Variants in CDC23 observed in about 807,000 individuals in gnomAD.
CDC23 encodes cell division cycle protein 23 homolog.
Under a neutral mutation model 81.7 loss-of-function variants are expected in CDC23, and 26 were observed. The observed-to-expected ratio is 0.32, with a 90% CI of 0.23 to 0.44. The LOEUF is 0.44. Ranked by LOEUF, CDC23 falls within the 20% of genes least tolerant of loss-of-function variation. CDC23 has a pLI of 1.00. For synonymous variants in CDC23, 267 were observed against 270.8 expected (o/e 0.99, Z 0.14); for missense variants, 519 against 728.0 (o/e 0.71, Z 3.30).
At chr5:138,206,344 C>T (rs1299989473) in intron 3 of CDC23, 1 of 611,546 alleles carries the variant, frequency 1.6e-6, no homozygotes, top group Non-Finnish European at 2.9e-6. Context: ...TGTTACTTAT[C>T]CTGTTAGTCA....
At position 138,198,780 on chromosome 5, in the gene CDC23, C is replaced by T. The variant is rs756246342; in HGVS notation, c.657G>A (p.Leu219=). Residue 219 remains leucine, a splice_region_variant and synonymous_variant, in exon 7 of 16, where the codon CTG becomes CTA. Coordinates refer to ENST00000394886, the MANE Select transcript of CDC23 (RefSeq NM_004661.4). The part of the protein sequence containing the change: ...LCNLITDKEM[L]KFLSLPDTWM... Reference sequence around the variant, plus strand: ...AGGTGTCTGGCAAAGACAGGAACTTCAGCTGGCAGCAGGAGAGAGAGGGAC... The same window carrying T: ...AGGTGTCTGGCAAAGACAGGAACTTTAGCTGGCAGCAGGAGAGAGAGGGAC... 1 of 1,613,402 alleles carries T rather than the reference C, an allele frequency of 6.2e-7. No homozygotes were observed. Among genetic ancestry groups the T allele is most frequent in the South Asian group, 1.1e-5 (1 of 90,858 alleles).
At chr5:138,212,917 T>A in intron 2 of CDC23, 74 bp downstream of exon 2, 1 of 1,256,490 alleles carries the variant, frequency 8.0e-7, no homozygotes, top group Non-Finnish European at 1.2e-6. Context: ...TCTCCTCCAG[T>A]GACAGGGCAC....
At chr5:138,199,077 C>T (rs182665545) in intron 6 of CDC23, among the ~76,000 whole-genome samples, 96 of 152,192 alleles carry the variant, frequency 6.3e-4, no homozygotes, top group African/African-American at 2.2e-3. Context: ...ATAGTCTAGA[C>T]ACGGGTAATA....
chr5:138,197,535 C>T (rs1224903480), intron 9 of CDC23, among the ~76,000 whole-genome samples: 1 of 144,366 alleles, frequency 6.9e-6, no homozygotes, highest in Non-Finnish European at 1.5e-5. Flanking sequence ...CTCACTCTAT[C>T]GCCCAGGCTG....
At chr5:138,189,805 A>G (rs1362801347) in intron 14 of CDC23, 23 bp downstream of exon 14, 37 of 1,613,914 alleles carry the variant, frequency 2.3e-5, no homozygotes, top group Non-Finnish European at 3.1e-5. Context: ...TCAGCAGTAC[A>G]ATTCTCATGG....
intron 9 of CDC23, among the ~76,000 whole-genome samples, chr5:138,195,774 G>GTGTATATATATACATATATTATATATGTA (rs1561634210): frequency 1.8e-5 from 2 of 108,900 alleles, no homozygotes; most frequent in African/African-American, 6.9e-5. Context: ...TTATATATGT[G>GTGTATATATATACATATATTATATATGTA]TATATATACA....
rs527604119 is a variant in CDC23, at chr5:138,207,331, G to C, written c.235-647C>G. Among the ~76,000 whole-genome samples the C allele has an allele frequency of 2.5e-3, 379 of 152,286 alleles. 1 individual carries two copies. The highest frequency in any genetic ancestry group is 4.5e-3 in the Non-Finnish European group (309 of 68,016). ...TGTTAAGGACCTAGATTCAAATTCT[G>C]ACTTTTTGATTTCCTGGTTTCAGGA... On this transcript the variant is annotated intron_variant, in intron 2 of 15. Coordinates refer to ENST00000394886, the MANE Select transcript of CDC23 (RefSeq NM_004661.4).
At chr5:138,203,814 G>A (rs549602800) in intron 3 of CDC23, among the ~76,000 whole-genome samples, 3 of 152,290 alleles carry the variant, frequency 2.0e-5, no homozygotes, top group Non-Finnish European at 4.4e-5. Flanking sequence ...CCAGGAGGCT[G>A]AGGCTAGAGA....
chr5:138,195,640 TATATA>T (rs1477395533), intron 9 of CDC23, among the ~76,000 whole-genome samples: 1 of 116,914 alleles, frequency 8.6e-6, no homozygotes, highest in Non-Finnish European at 1.7e-5. Context: ...TATATATACA[TATATA>T]ATATATATTA....
Position 138,198,658 on chromosome 5 carries a change from G to A in CDC23, c.779C>T (p.Ser260Phe), listed in dbSNP as rs1398292036. 1 of 1,614,122 alleles carries A rather than the reference G, an allele frequency of 6.2e-7. No individual in the cohort carries two copies. Among genetic ancestry groups the A allele is most frequent in the Non-Finnish European group, 8.5e-7 (1 of 1,180,002 alleles). Residue 260 changes from serine (S) to phenylalanine (F), a missense_variant, in exon 7 of 16, where the codon TCT becomes TTT. Physicochemically the swap from Ser to Phe is radical, Grantham distance 155. Transcript: ENST00000394886. Reference protein sequence around the residue: ...KYQNLIDVGFSKSSYIVSQIA... With the variant: ...KYQNLIDVGFFKSSYIVSQIA... The stretch of plus-strand genomic sequence containing the variant: ...TTGGGAAACAATATACGAGCTCTTA[G>A]AGAAGCCCACATCAATGAGATTCTG...
intron 2 of CDC23, among the ~76,000 whole-genome samples, chr5:138,207,072 G>A (rs1755058418): frequency 6.6e-6 from 1 of 151,908 alleles, no homozygotes; most frequent in Non-Finnish European, 1.5e-5. Context: ...TAGTGATGGG[G>A]TTTCGCCATG....
At chr5:138,195,583 T>A (rs533229764) in intron 9 of CDC23, among the ~76,000 whole-genome samples, 8 of 56,958 alleles carry the variant, frequency 1.4e-4, no homozygotes, top group Non-Finnish European at 2.4e-4. Context: ...TATAATATAT[T>A]ATATATAATA....
Position 138,189,309 on chromosome 5 carries a change from T to C in CDC23, c.1624-161A>G, listed in dbSNP as rs572204259. ...TCTCACTGTGTCACCCAGGCTACAG[T>C]GCAGTGGTGTGATCAAGGCTCACTG... On this transcript the variant is annotated intron_variant, in intron 15 of 15. Transcript: ENST00000394886. 4.0e-5 allele frequency among the ~76,000 whole-genome samples: 6 copies of C among 151,824 alleles called. No homozygotes were observed. In the South Asian group the frequency reaches 1.2e-3, roughly 32 times the overall value.
intron 6 of CDC23, chr5:138,200,899 T>C (rs1754981833): frequency 1.8e-6 from 1 of 553,870 alleles, no homozygotes; most frequent in African/African-American, 1.9e-5. Flanking sequence ...TATAACTGGA[T>C]ACAAATCCAA....
At chr5:138,209,306 T>C (rs1398451223) in intron 2 of CDC23, among the ~76,000 whole-genome samples, 1 of 151,108 alleles carries the variant, frequency 6.6e-6, no homozygotes, top group Non-Finnish European at 1.5e-5. Flanking sequence ...TGAGCACCTG[T>C]AATCCCAGCT....
Position 138,213,239 on chromosome 5 carries a change from T to A in CDC23, c.74A>T (p.Asp25Val). ...TTTAATTTCCCGCAAATCTGAGAAATCGCTGTTTATGGACAGGACAGGCGC... is the reference window on the plus strand; with the variant it reads ...TTTAATTTCCCGCAAATCTGAGAAAACGCTGTTTATGGACAGGACAGGCGC... ...AVAPVLSINS[D>V]FSDLREIKKQ... Residue 25 changes from aspartate to valine, a missense_variant, in exon 1 of 16, where the codon GAT becomes GTT. By Grantham distance (152) the Asp-to-Val change is radical. Coordinates refer to ENST00000394886, the MANE Select transcript of CDC23 (RefSeq NM_004661.4). 1 of 1,614,130 alleles carries A rather than the reference T, an allele frequency of 6.2e-7. No homozygotes were observed. Among genetic ancestry groups the A allele is most frequent in the Non-Finnish European group, 8.5e-7 (1 of 1,180,032 alleles).
chr5:138,192,768 A>G (rs1195430111), intron 9 of CDC23, 111 bp from the exon 10 acceptor site: 13 of 914,078 alleles, frequency 1.4e-5, no homozygotes, highest in Non-Finnish European at 1.9e-5. Flanking sequence ...CATTCCCTCT[A>G]AAGTCCTGGC....
chr5:138,200,723 G>A (rs1754978308), intron 6 of CDC23, among the ~76,000 whole-genome samples: 1 of 152,094 alleles, frequency 6.6e-6, no homozygotes, highest in African/African-American at 2.4e-5. Flanking sequence ...GGGAGGCTGA[G>A]GCAGAAGAAT....
chr5:138,200,095 G>A (rs1402343134), intron 6 of CDC23, among the ~76,000 whole-genome samples: 1 of 152,144 alleles, frequency 6.6e-6, no homozygotes, highest in Non-Finnish European at 1.5e-5. Context: ...CAGAATCCAT[G>A]ACAGCTCAGA....
Sources: allele counts gnomAD v4.1 joint callset (sites outside exome capture counted in the v4.1 genomes callset), GRCh38; gene constraint gnomAD v4.1.1; transcripts MANE v1.5; gene names NCBI Gene and HGNC (gene_info 2026-07-23, HGNC 2026-07-21).